Variants in SNED1 observed in about 807,000 individuals in gnomAD.
SNED1 encodes the protein sushi, nidogen and EGF-like domain-containing protein 1.
SNED1 carries 81 observed loss-of-function variants against 166.7 expected under a neutral mutation model. The observed-to-expected ratio is 0.49, with a 90% confidence interval of 0.41 to 0.58. The LOEUF is 0.58. SNED1 is among the 20% of genes least tolerant of loss of function. The probability of loss-of-function intolerance (pLI) is 0.00; values close to 1 mark genes in which losing one functional copy is unlikely to be tolerated. For synonymous variants in SNED1, 762 were observed against 822.0 expected, an observed-to-expected ratio of 0.93 and a Z score of 1.25; for missense variants, 1,604 against 2,000.2, an observed-to-expected ratio of 0.80 and a Z score of 3.78.
rs2060470700 is a variant in SNED1, at chr2:241,013,210, G to T, written c.213+14160G>T. On this transcript the variant is annotated intron_variant, in intron 1 of 31. Transcript: ENST00000310397. The surrounding 1 kb of genome is among the most constrained non-coding windows in gnomAD (Gnocchi z 4.6). ...ACTTACTCATCCTGTCTGACTGAAGGTTTGCACCCTCCAATCAACATTTCC... is the reference window on the plus strand; with the variant it reads ...ACTTACTCATCCTGTCTGACTGAAGTTTTGCACCCTCCAATCAACATTTCC... Among the ~76,000 whole-genome samples the T allele has an allele frequency of 6.6e-6, 1 of 152,156 alleles. No individual in the cohort carries two copies. The highest frequency in any genetic ancestry group is 2.4e-5 in the African/African-American group (1 of 41,442).
rs546009334 is a variant in SNED1 at position 241,093,126 on chromosome 2, G to A, written c.*1490G>A. 2.0e-5 allele frequency: 3 copies of A among 152,620 alleles called. No individual in the cohort carries two copies. Among genetic ancestry groups the A allele is most frequent in the South Asian group, 2.1e-4 (1 of 4,824 alleles). 9.5% of individuals were successfully genotyped at this position (152,620 alleles called of 1,614,324 possible). ...CAGAAAGAAGGAACAGGCAATTCGC[G>A]AAGTTTCACCTGTACTCCCGAGCTG... On this transcript the variant is annotated 3_prime_UTR_variant, in exon 32 of 32. Coordinates refer to ENST00000310397, the MANE Select transcript of SNED1 (RefSeq NM_001080437.3).
Position 241,075,606 on chromosome 2 carries a change from T to C in SNED1, c.3916+2242T>C, listed in dbSNP as rs1470819887. 1.3e-5 allele frequency: 2 copies of C among 152,202 alleles called. No homozygotes were observed. Among genetic ancestry groups the C allele is most frequent in the Non-Finnish European group, 2.9e-5 (2 of 68,038 alleles). The allele number at this position is 152,202 out of a possible 1,614,324, so 9.4% of individuals were successfully genotyped here. ...AAATTCTTATATGTTTTGATACTGA[T>C]CCTTTGTCAGGTCTGTGTTCTGCAG... On this transcript the variant is annotated intron_variant, in intron 27 of 31. Coordinates refer to ENST00000310397, the MANE Select transcript of SNED1 (RefSeq NM_001080437.3). This position sits in a 1 kb window ranked among gnomAD's most constrained non-coding sequence, Gnocchi z 4.8.
At chr2:241,019,460 G>A (rs1322531627) in intron 1 of SNED1, among the ~76,000 whole-genome samples, 1 of 152,210 alleles carries the variant, frequency 6.6e-6, no homozygotes, top group Non-Finnish European at 1.5e-5. Flanking sequence ...CAATAACCTG[G>A]AGAGCGGAGA....
Position 241,051,889 on chromosome 2 carries a change from C to T in SNED1, c.1852+29C>T. On this transcript the variant is annotated intron_variant, in intron 13 of 31. Coordinates refer to ENST00000310397, the MANE Select transcript of SNED1 (RefSeq NM_001080437.3). This position sits in a 1 kb window ranked among gnomAD's most constrained non-coding sequence, Gnocchi z 4.7. ...CGGCCCCCAGGGGCAGGGGGGAGGG[C>T]AGGAACGACGGGCCAGCCCTGAGCT... 2 of 1,512,210 alleles carry T rather than the reference C, an allele frequency of 1.3e-6. No individual in the cohort carries two copies. The highest frequency in any genetic ancestry group is 1.4e-5 in the African/African-American group (1 of 72,442). The allele number at this position is 1,512,210 out of a possible 1,614,324, so 93.7% of individuals were successfully genotyped here.
intron 4 of SNED1, 41 bp from the exon 5 acceptor site, chr2:241,036,749 G>A: frequency 1.2e-6 from 2 of 1,601,184 alleles, no homozygotes; most frequent in Non-Finnish European, 1.7e-6. Flanking sequence ...GCCGAGTCCG[G>A]AGGCAGCGGC....
rs1271493804 is a variant in SNED1, at chr2:241,030,578, C to T, written c.501+7C>T. The T allele has an allele frequency of 6.2e-7, 1 of 1,612,506 alleles. No homozygotes were observed. The highest frequency in any genetic ancestry group is 1.3e-5 in the African/African-American group (1 of 74,918). On this transcript the variant is annotated splice_region_variant and intron_variant, in intron 2 of 31. Transcript: ENST00000310397. ...AGGCAGTTCCTCATCCCCTGTGAGT[C>T]CAGGCACTTGTCCTGGGGAGGGTGG...
chr2:241,049,117 G>A lies in SNED1; in HGVS notation c.1600G>A (p.Asp534Asn), dbSNP rs370042364. The change falls in exon 11 of 32, where the codon GAC (aspartate) becomes AAC (asparagine). Residue 534 changes from aspartate to asparagine, a missense_variant. Around this residue, in one of 2 missense-constraint regions of SNED1, gnomAD observed 1,237 missense variants for 1,620.8 expected, o/e 0.76. Transcript: ENST00000310397. ...GGSYLCVCHT[D>N]HNASHSLPSP... ...GAGCTACCTCTGCGTCTGCCACACCGACCACAATGCCAGCCACTGTGAGTA... is the reference window on the plus strand; with the variant it reads ...GAGCTACCTCTGCGTCTGCCACACCAACCACAATGCCAGCCACTGTGAGTA... 7.0e-5 allele frequency: 112 copies of A among 1,611,148 alleles called. No individual in the cohort carries two copies. Among genetic ancestry groups the A allele is most frequent in the Non-Finnish European group, 9.0e-5 (106 of 1,178,990 alleles).
At chr2:241,034,753 T>A (rs1276785145) in intron 4 of SNED1, 23 bp downstream of exon 4, 19 of 1,522,960 alleles carry the variant, frequency 1.2e-5, no homozygotes, top group Non-Finnish European at 1.6e-5. Context: ...AGGAGCAGCT[T>A]GGGGTGGGAG....
Position 241,068,440 on chromosome 2 carries a change from C to T in SNED1, c.3195-471C>T, listed in dbSNP as rs116709797. On this transcript the variant is annotated intron_variant, in intron 22 of 31. Coordinates refer to ENST00000310397, the MANE Select transcript of SNED1 (RefSeq NM_001080437.3). The surrounding 1 kb of genome is among the most constrained non-coding windows in gnomAD (Gnocchi z 5.3). ...CCAACCAAAGAGAAAGCTTCCGAAT[C>T]GTGCTCAGCGCAGGCAGGGGTGCAG... Among the ~76,000 whole-genome samples, 2,376 of 152,042 alleles carry T rather than the reference C, an allele frequency of 0.016. 48 individuals are homozygous for T. The highest frequency in any genetic ancestry group is 0.054 in the African/African-American group (2,225 of 41,422).
intron 30 of SNED1, 94 bp downstream of exon 30, chr2:241,087,569 G>A: frequency 6.8e-7 from 1 of 1,480,262 alleles, no homozygotes; most frequent in South Asian, 1.4e-5. Flanking sequence ...GCAGGCCTGT[G>A]GGCTGAGCCA....
chr2:241,006,557 G>A (rs1040669391), intron 1 of SNED1, among the ~76,000 whole-genome samples: 4 of 152,190 alleles, frequency 2.6e-5, no homozygotes, highest in Admixed American at 6.5e-5. Flanking sequence ...ATGGAAAGGA[G>A]GAAACATCAA....
chr2:241,032,306 T>C lies in SNED1; in HGVS notation c.502-1429T>C, dbSNP rs565083467. On this transcript the variant is annotated intron_variant, in intron 2 of 31. Coordinates refer to ENST00000310397, the MANE Select transcript of SNED1 (RefSeq NM_001080437.3). ...CAGAGGTTGCAGTGAGCCGAGATCA[T>C]GCCACTGCACTCCGGCCTGGGTGAC... Among the ~76,000 whole-genome samples the C allele has an allele frequency of 3.1e-4, 47 of 151,958 alleles. 1 individual carries two copies. The South Asian group carries it at 6.2e-3, about 20-fold the overall frequency.
intron 1 of SNED1, among the ~76,000 whole-genome samples, chr2:241,003,870 T>C (rs1450567225): frequency 1.3e-5 from 2 of 152,224 alleles, no homozygotes; most frequent in Non-Finnish European, 1.5e-5. Context: ...GGAGCAGCAA[T>C]TTGTAAAGGT....
At chr2:241,015,089 G>T (rs1423666284) in intron 1 of SNED1, among the ~76,000 whole-genome samples, 1 of 152,134 alleles carries the variant, frequency 6.6e-6, no homozygotes, top group Non-Finnish European at 1.5e-5. Context: ...GGTTATTTTG[G>T]ACTTTGCATT....
chr2:241,084,481 T>C (rs56237915), intron 29 of SNED1, among the ~76,000 whole-genome samples: 8,795 of 152,174 alleles, frequency 0.058, 648 homozygotes, highest in East Asian at 0.23. Context: ...ACCATACACA[T>C]CTTCAACTTC....
At chr2:241,062,994 T>C (rs1386757089) in intron 17 of SNED1, 90 bp downstream of exon 17, 2 of 817,678 alleles carry the variant, frequency 2.4e-6, no homozygotes, top group Non-Finnish European at 3.8e-6. Context: ...GGTCTCTGTC[T>C]GGATGGCCAG....
intron 1 of SNED1, among the ~76,000 whole-genome samples, chr2:241,028,552 T>G (rs748079782): frequency 1.3e-5 from 2 of 152,248 alleles, no homozygotes; most frequent in Non-Finnish European, 2.9e-5. Flanking sequence ...GACTGTCCTT[T>G]CCTCACTGAA....
Position 240,999,044 on chromosome 2 carries a change from A to T in SNED1, c.207A>T (p.Gly69=). ...PFPFFGAEHS[G]LYVNNNGIIS... ...CGTTCTTCGGTGCCGAGCACTCCGG[A>T]CTCTACGTGAGTAACCCCCGGGCTC... Residue 69 remains glycine, a synonymous_variant, in exon 1 of 32, where the codon GGA becomes GGT. Transcript: ENST00000310397. The surrounding 1 kb of genome is among the most constrained non-coding windows in gnomAD (Gnocchi z 5.8). 7.6e-7 allele frequency: 1 copy of T among 1,310,898 alleles called. No individual in the cohort carries two copies. Among genetic ancestry groups the T allele is most frequent in the South Asian group, 1.9e-5 (1 of 52,230 alleles). 81.2% of individuals were successfully genotyped at this position (1,310,898 alleles called of 1,614,324 possible).
intron 31 of SNED1, chr2:241,089,257 T>C: frequency 1.3e-6 from 2 of 1,531,340 alleles, no homozygotes; most frequent in Non-Finnish European, 8.8e-7. Context: ...GCTTTGCTCT[T>C]CCTGCCCCTT....
Sources: gnomAD v4.1 joint callset for allele counts (sites outside exome capture counted in the v4.1 genomes callset) on GRCh38, gnomAD v4.1.1 for gene constraint, gnomAD v4.1.1 regional missense constraint, Gnocchi (gnomAD v3.1) non-coding constraint, MANE v1.5 for transcripts, NCBI Gene and HGNC (gene_info 2026-07-23, HGNC 2026-07-21) for gene names.